Variants in TMC2 observed in about 807,000 individuals in gnomAD.
TMC2 encodes transmembrane channel like 2.
Under a neutral mutation model 105.9 loss-of-function variants are expected in TMC2, and 102 were observed. That is an observed-to-expected ratio of 0.96 (90% confidence interval 0.82 to 1.14). TMC2 has a LOEUF of 1.14. Ranked by LOEUF, TMC2 falls within the 50% of genes most tolerant of loss-of-function variation. The probability of loss-of-function intolerance (pLI) is 0.00; values close to 1 mark genes in which losing one functional copy is unlikely to be tolerated. For synonymous variants in TMC2, 402 were observed against 422.8 expected, an observed-to-expected ratio of 0.95 and a Z score of 0.60; for missense variants, 1,093 against 1,134.3, an observed-to-expected ratio of 0.96 and a Z score of 0.52.
At chr20:2,628,731 T>C (rs1379605303) in intron 17 of TMC2, among the ~76,000 whole-genome samples, 1 of 152,220 alleles carries the variant, frequency 6.6e-6, no homozygotes, top group Non-Finnish European at 1.5e-5. Flanking sequence ...TCACCAGCCA[T>C]GCTGAACAGT....
chr20:2,610,287 G>A, intron 11 of TMC2, 132 bp from the exon 12 acceptor site: 1 of 788,844 alleles, frequency 1.3e-6, no homozygotes, highest in East Asian at 2.7e-5. Context: ...AAGCTGTGTA[G>A]ACCCCAGGGC....
At position 2,616,317 on chromosome 20, in the gene TMC2, C is replaced by A; in HGVS notation, c.1940+113C>A. ...AGGCTAGATAAGTCCTCTTGCCTCT[C>A]TGAACTCCCCTCTTTCACATGAAAA... On this transcript the variant is annotated intron_variant, in intron 15 of 19. Coordinates refer to ENST00000358864, the MANE Select transcript of TMC2 (RefSeq NM_080751.3). The surrounding 1 kb of genome is among the most constrained non-coding windows in gnomAD (Gnocchi z 4.8). 1.2e-6 allele frequency: 1 copy of A among 836,448 alleles called. No homozygotes were observed. The allele number at this position is 836,448 out of a possible 1,614,324, so 51.8% of individuals were successfully genotyped here. A position where few individuals can be genotyped will look rare whatever the true frequency, so the allele number is the denominator to read the frequency against.
intron 7 of TMC2, among the ~76,000 whole-genome samples, chr20:2,591,751 AAAAGAAAAGG>A (rs976294499): frequency 6.6e-6 from 1 of 152,018 alleles, no homozygotes; most frequent in African/African-American, 2.4e-5. Context: ...AAAAGAAAAG[AAAAGAAAAGG>A]AAAGGAAAAG....
At chr20:2,590,242 AAAC>A in intron 7 of TMC2, among the ~76,000 whole-genome samples, 1 of 152,306 alleles carries the variant, frequency 6.6e-6, no homozygotes, top group Non-Finnish European at 1.5e-5. Context: ...ATATAAGGAA[AAAC>A]AAGGGAATTG....
At chr20:2,589,607 G>A (rs181788835) in intron 7 of TMC2, among the ~76,000 whole-genome samples, 39 of 152,224 alleles carry the variant, frequency 2.6e-4, no homozygotes, top group Non-Finnish European at 4.4e-5. Flanking sequence ...CACTTGTCTA[G>A]TTGTTCTCAG....
chr20:2,635,632 C>G (rs1422066313), intron 17 of TMC2, among the ~76,000 whole-genome samples: 1 of 152,174 alleles, frequency 6.6e-6, no homozygotes, highest in African/African-American at 2.4e-5. Flanking sequence ...GTCAGTAAAC[C>G]CTGCCACCCT....
intron 14 of TMC2, among the ~76,000 whole-genome samples, chr20:2,615,612 G>A (rs569072414): frequency 1.3e-5 from 2 of 152,340 alleles, no homozygotes; most frequent in East Asian, 3.9e-4. Context: ...ACCAAGCTGG[G>A]TGCTTTCCTT....
intron 4 of TMC2, among the ~76,000 whole-genome samples, chr20:2,564,150 C>CTT (rs71193976): frequency 0.13 from 15,468 of 119,936 alleles, 1,910 homozygotes; most frequent in African/African-American, 0.24. Context: ...TCAGCCTCCT[C>CTT]TTTTTTTTTT....
At chr20:2,608,443 T>G (rs2086411045) in intron 11 of TMC2, among the ~76,000 whole-genome samples, 4 of 151,874 alleles carry the variant, frequency 2.6e-5, no homozygotes. Flanking sequence ...TTCTCTTGCC[T>G]CAGTCTCCCA....
chr20:2,624,285 T>C lies in TMC2; in HGVS notation c.2195T>C (p.Met732Thr). ...CCTTTTTCCAGTGGGAAAAACAGAA[T>C]GTACGATGTCCTCCAAGAGACCATT... ...DCGPFSGKNR[M>T]YDVLQETIEN... is the part of the protein sequence containing the mutation. Residue 732 changes from methionine (M) to threonine (T), a missense_variant, in exon 17 of 20, where the codon ATG (methionine) becomes ACG (threonine). By Grantham distance (81) the Met-to-Thr change is moderately conservative. Transcript: ENST00000358864. 6.2e-7 allele frequency: 1 copy of C among 1,614,056 alleles called. No individual in the cohort carries two copies. The highest frequency in any genetic ancestry group is 2.2e-5 in the East Asian group (1 of 44,874).
At chr20:2,537,050 G>C (rs6049836) in intron 1 of TMC2, among the ~76,000 whole-genome samples, 80,428 of 151,984 alleles carry the variant, frequency 0.53, 21,437 homozygotes, top group South Asian at 0.58. Flanking sequence ...CTGTCTCTGT[G>C]CAGGGCAGGG....
At chr20:2,577,958 C>T (rs867293046) in intron 5 of TMC2, among the ~76,000 whole-genome samples, 10 of 152,056 alleles carry the variant, frequency 6.6e-5, no homozygotes, top group Middle Eastern at 3.4e-3. Flanking sequence ...TTCACAGGTG[C>T]GGACTTTAGT....
In TMC2 at chr20:2,624,274, G is replaced by C. The variant is rs200940332; in HGVS notation, c.2184G>C (p.Gly728=). ...TTGTGTCCTCTCCTTTTTCCAGTGG[G>C]AAAAACAGAATGTACGATGTCCTCC... The part of the protein sequence containing the change: ...PPSFDCGPFS[G]KNRMYDVLQE... The change falls in exon 17 of 20, where the codon GGG becomes GGC. Residue 728 remains glycine (G), a synonymous_variant. Coordinates refer to ENST00000358864, the MANE Select transcript of TMC2 (RefSeq NM_080751.3). 3.8e-5 allele frequency: 61 copies of C among 1,613,620 alleles called. No homozygotes were observed. The East Asian group carries it at 9.8e-4, about 26-fold the overall frequency.
chr20:2,636,523 C>T (rs1238051322), intron 18 of TMC2, among the ~76,000 whole-genome samples: 1 of 151,462 alleles, frequency 6.6e-6, no homozygotes, highest in East Asian at 1.9e-4. Flanking sequence ...GACCCTAACC[C>T]TCCCTAAGCC....
intron 7 of TMC2, among the ~76,000 whole-genome samples, chr20:2,591,459 C>T (rs1327255168): frequency 6.6e-6 from 1 of 152,160 alleles, no homozygotes; most frequent in East Asian, 1.9e-4. Context: ...AATCCCAGCA[C>T]TTTGGGAGGC....
chr20:2,635,631 C>T (rs989844977), intron 17 of TMC2, among the ~76,000 whole-genome samples: 3 of 152,180 alleles, frequency 2.0e-5, no homozygotes, highest in African/African-American at 7.2e-5. Context: ...AGTCAGTAAA[C>T]CCTGCCACCC....
intron 7 of TMC2, among the ~76,000 whole-genome samples, chr20:2,589,409 T>C (rs1386308511): frequency 6.6e-6 from 1 of 151,426 alleles, no homozygotes; most frequent in African/African-American, 2.4e-5. Flanking sequence ...CCAAACCTAT[T>C]TGTCCTTAAA....
intron 11 of TMC2, among the ~76,000 whole-genome samples, chr20:2,608,390 C>A (rs570424278): frequency 6.6e-6 from 1 of 150,758 alleles, no homozygotes; most frequent in Non-Finnish European, 1.5e-5. Flanking sequence ...TGCAGTGGCA[C>A]GATTTCAGTT....
At chr20:2,638,171 C>G (rs1417064551) in intron 19 of TMC2, among the ~76,000 whole-genome samples, 2 of 151,922 alleles carry the variant, frequency 1.3e-5, no homozygotes, top group Admixed American at 1.3e-4. Flanking sequence ...GAAACCCTAT[C>G]TCTACTAAAA....
Sources: allele counts gnomAD v4.1 joint callset (sites outside exome capture counted in the v4.1 genomes callset), GRCh38; gene constraint gnomAD v4.1.1; non-coding constraint Gnocchi (gnomAD v3.1); transcripts MANE v1.5; gene names NCBI Gene and HGNC (gene_info 2026-07-23, HGNC 2026-07-21).